The following IL1RAPL1 variants were observed in gnomAD, a reference collection of about 807,000 sequenced individuals.
IL1RAPL1 encodes the protein interleukin 1 receptor accessory protein like 1, also known as interleukin-1 receptor accessory protein-like 1.
Under a neutral mutation model 48.4 loss-of-function variants are expected in IL1RAPL1, and 3 were observed. The observed-to-expected ratio is 0.06, with a 90% CI of 0.03 to 0.16. IL1RAPL1 has a LOEUF of 0.16. IL1RAPL1 is among the 10% of genes least tolerant of loss of function. The pLI, the probability that IL1RAPL1 is intolerant of heterozygous loss-of-function variation, is 1.00. For synonymous variants in IL1RAPL1, 185 were observed against 187.7 expected (o/e 0.99, Z 0.12); for missense variants, 349 against 530.6 (o/e 0.66, Z 3.36).
chrX:28,812,654 A>AAT (rs1329426738), intron 2 of IL1RAPL1, among the ~76,000 whole-genome samples: 1 of 111,457 alleles, frequency 9.0e-6, no homozygotes, highest in Middle Eastern at 4.2e-3. Flanking sequence ...AATATAGTTT[A>AAT]ATATATATAA....
intron 1 of IL1RAPL1, among the ~76,000 whole-genome samples, chrX:28,718,489 A>T (rs1935531142): frequency 9.0e-6 from 1 of 111,599 alleles, no homozygotes; most frequent in African/African-American, 3.2e-5. Context: ...TTTTCAATGC[A>T]TTTGAATTAA....
At chrX:28,771,549 C>A (rs998345335) in intron 1 of IL1RAPL1, among the ~76,000 whole-genome samples, 1 of 111,105 alleles carries the variant, frequency 9.0e-6, no homozygotes, top group Non-Finnish European at 1.9e-5. Flanking sequence ...ATTTGGAATT[C>A]TCCCAAACTT....
At chrX:29,142,443 G>A (rs927825659) in intron 2 of IL1RAPL1, among the ~76,000 whole-genome samples, 7 of 111,744 alleles carry the variant, frequency 6.3e-5, no homozygotes, top group Non-Finnish European at 1.3e-4. Context: ...AGAAGACATG[G>A]CAACTAATGC....
At chrX:29,665,040 A>G (rs1925959512) in intron 5 of IL1RAPL1, among the ~76,000 whole-genome samples, 1 of 112,757 alleles carries the variant, frequency 8.9e-6, no homozygotes, top group African/African-American at 3.2e-5. Context: ...TGAGGTCTTG[A>G]AAATACTTTT....
intron 5 of IL1RAPL1, among the ~76,000 whole-genome samples, chrX:29,638,320 G>T (rs772421019): frequency 4.8e-5 from 5 of 104,207 alleles, no homozygotes; most frequent in South Asian, 9.2e-4. Context: ...GCGTAGGCTG[G>T]AGTGCAGTGG....
intron 6 of IL1RAPL1, among the ~76,000 whole-genome samples, chrX:29,885,845 G>A (rs922319724): frequency 9.0e-6 from 1 of 111,217 alleles, no homozygotes; most frequent in Non-Finnish European, 1.9e-5. Flanking sequence ...AATCATTGAA[G>A]AAAATTAAAT....
intron 1 of IL1RAPL1, among the ~76,000 whole-genome samples, chrX:28,743,139 G>A (rs992914137): frequency 1.7e-4 from 19 of 111,183 alleles, no homozygotes; most frequent in South Asian, 3.7e-4. Context: ...GGAATTAAAT[G>A]GTGAATTTCA....
At chrX:28,804,163 G>A (rs1051511195) in intron 2 of IL1RAPL1, among the ~76,000 whole-genome samples, 7 of 110,999 alleles carry the variant, frequency 6.3e-5, no homozygotes, top group Admixed American at 3.8e-4. Context: ...TGGTGCTATA[G>A]GCATTGTCCT....
At chrX:29,501,457 T>G (rs1008887641) in intron 5 of IL1RAPL1, among the ~76,000 whole-genome samples, 2 of 111,602 alleles carry the variant, frequency 1.8e-5, no homozygotes, top group African/African-American at 6.5e-5. Flanking sequence ...TAGATTTAAG[T>G]TTTTAATCCA....
intron 5 of IL1RAPL1, among the ~76,000 whole-genome samples, chrX:29,508,263 T>C (rs1460879112): frequency 9.0e-6 from 1 of 111,401 alleles, no homozygotes; most frequent in Non-Finnish European, 1.9e-5. Context: ...TATCCGACTT[T>C]AGGAAGCAGG....
intron 5 of IL1RAPL1, among the ~76,000 whole-genome samples, chrX:29,548,182 T>A (rs1308191459): frequency 8.9e-6 from 1 of 112,795 alleles, no homozygotes; most frequent in Non-Finnish European, 1.9e-5. Context: ...TCCTTGCTTA[T>A]GCAAATGAAG....
intron 6 of IL1RAPL1, among the ~76,000 whole-genome samples, chrX:29,917,199 A>G (rs1932806169): frequency 8.9e-6 from 1 of 112,145 alleles, no homozygotes; most frequent in African/African-American, 3.2e-5. Flanking sequence ...CATCAGGCAA[A>G]CCGAACGGGA....
chrX:29,056,632 T>C (rs1927220419), intron 2 of IL1RAPL1, among the ~76,000 whole-genome samples: 1 of 111,983 alleles, frequency 8.9e-6, no homozygotes, highest in Non-Finnish European at 1.9e-5. Context: ...TATTTCTTTA[T>C]CTTATTTTAT....
intron 1 of IL1RAPL1, among the ~76,000 whole-genome samples, chrX:28,752,715 C>T (rs1433279613): frequency 3.6e-5 from 4 of 112,255 alleles, no homozygotes; most frequent in African/African-American, 1.3e-4. Flanking sequence ...GATGCCCAGG[C>T]TTCCAGCCCC....
chrX:29,381,069 T>A (rs1942206605), intron 3 of IL1RAPL1, among the ~76,000 whole-genome samples: 1 of 111,001 alleles, frequency 9.0e-6, no homozygotes, highest in Non-Finnish European at 1.9e-5. Context: ...GAAAAACAGA[T>A]GAGTCTGTGT....
At chrX:29,453,814 A>C (rs983390182) in intron 5 of IL1RAPL1, among the ~76,000 whole-genome samples, 1 of 112,275 alleles carries the variant, frequency 8.9e-6, no homozygotes, top group Admixed American at 9.4e-5. Flanking sequence ...TTTTGAAAAA[A>C]CGTGCACTAT....
chrX:28,669,389 C>T (rs1014018939), intron 1 of IL1RAPL1, among the ~76,000 whole-genome samples: 4 of 109,934 alleles, frequency 3.6e-5, no homozygotes, highest in Non-Finnish European at 7.6e-5. Context: ...GAAGCTGAGG[C>T]GGGTGGATCA....
intron 2 of IL1RAPL1, among the ~76,000 whole-genome samples, chrX:29,252,123 G>C (rs1602135957): frequency 1.8e-5 from 2 of 110,859 alleles, no homozygotes; most frequent in African/African-American, 3.4e-5. Context: ...TGTGGGGTAA[G>C]GGGAGGGGGG....
chrX:29,544,415 T>C (rs6653821), intron 5 of IL1RAPL1, among the ~76,000 whole-genome samples: 41,405 of 110,701 alleles, frequency 0.37, 5,818 homozygotes, highest in East Asian at 0.71. Context: ...CTGACACTTA[T>C]ACCTTTCAAG....
Sources: allele counts gnomAD v4.1 joint callset (sites outside exome capture counted in the v4.1 genomes callset), GRCh38; gene constraint gnomAD v4.1.1; transcripts MANE v1.5; gene names NCBI Gene and HGNC (gene_info 2026-07-23, HGNC 2026-07-21).